The following TACR3 variants were observed in gnomAD, a reference collection of about 807,000 sequenced individuals.
TACR3 encodes the protein neuromedin-K receptor.
Under a neutral mutation model 35.0 loss-of-function variants are expected in TACR3, and 34 were observed. The ratio of observed to expected loss-of-function variants is 0.97; its 90% CI spans 0.74 to 1.30. The LOEUF (loss-of-function observed/expected upper bound fraction) is 1.30, where lower values mean the gene tolerates loss of function less well. Among genes scored for constraint, TACR3 ranks in the 50% most tolerant of loss-of-function variants. The pLI is 0.00. For missense variants in TACR3, 558 were observed against 591.7 expected (o/e 0.94, Z 0.59); for synonymous variants, 233 against 221.1 (o/e 1.05, Z -0.48).
At position 103,587,472 on chromosome 4, in the gene TACR3, T is replaced by A. The variant is rs1006135285; in HGVS notation, c.*2210A>T. The A allele has an allele frequency of 1.3e-5, 2 of 152,004 alleles. No individual in the cohort carries two copies. Among genetic ancestry groups the A allele is most frequent in the African/African-American group, 4.8e-5 (2 of 41,422 alleles). 9.4% of individuals were successfully genotyped at this position (152,004 alleles called of 1,614,324 possible). A position where few individuals can be genotyped will look rare whatever the true frequency, so the allele number is the denominator to read the frequency against. ...CACAGAAGCCAAAGCAAACCAACAA[T>A]CCAACTGACGAGGCCAGTATTTTTC... is the stretch of plus-strand genomic sequence containing the variant. On this transcript the variant is annotated 3_prime_UTR_variant, in exon 5 of 5. Transcript: ENST00000304883.
rs149411487 is a variant in TACR3 at position 103,590,755 on chromosome 4, G to T, written c.1085+732C>A. Among the ~76,000 whole-genome samples, 129 of 152,250 alleles carry T rather than the reference G, an allele frequency of 8.5e-4. 1 individual carries two copies. Among genetic ancestry groups the T allele is most frequent in the Non-Finnish European group, 1.6e-3 (110 of 68,016 alleles). ...CATTGGTTTATTACAGGACTTACGA[G>T]CCCTATGAAATTTAACCCTATCCCT... On this transcript the variant is annotated intron_variant, in intron 4 of 4. Coordinates refer to ENST00000304883, the MANE Select transcript of TACR3 (RefSeq NM_001059.3).
At chr4:103,628,315 T>C (rs1204867495) in intron 3 of TACR3, among the ~76,000 whole-genome samples, 2 of 151,892 alleles carry the variant, frequency 1.3e-5, no homozygotes, top group Non-Finnish European at 1.5e-5. Context: ...CTGAAGGAGA[T>C]AGAGACACAA....
At chr4:103,657,860 A>G (rs1411680758) in intron 2 of TACR3, among the ~76,000 whole-genome samples, 1 of 152,084 alleles carries the variant, frequency 6.6e-6, no homozygotes, top group African/African-American at 2.4e-5. Context: ...CACTTCCTAA[A>G]AGAGCAATCA....
chr4:103,626,794 T>C (rs1435563467), intron 3 of TACR3, among the ~76,000 whole-genome samples: 2 of 151,030 alleles, frequency 1.3e-5, no homozygotes, highest in African/African-American at 4.9e-5. Context: ...TATAATTTCT[T>C]TTTACTGATT....
At chr4:103,684,762 G>T (rs1022341114) in intron 1 of TACR3, among the ~76,000 whole-genome samples, 18 of 152,000 alleles carry the variant, frequency 1.2e-4, no homozygotes, top group African/African-American at 2.7e-4. Context: ...CAGCACTTTG[G>T]GGGGCTGAGG....
chr4:103,642,937 T>C (rs556943060), intron 3 of TACR3, among the ~76,000 whole-genome samples: 1 of 151,970 alleles, frequency 6.6e-6, no homozygotes, highest in East Asian at 1.9e-4. Context: ...CCCCAAAATA[T>C]GTACAATAAT....
In TACR3 at chr4:103,616,230, T is replaced by C. The variant is rs375180073; in HGVS notation, c.889-24547A>G. Among the ~76,000 whole-genome samples, 252 of 152,232 alleles carry C rather than the reference T, an allele frequency of 1.7e-3. 2 individuals carry two copies. Among genetic ancestry groups the C allele is most frequent in the East Asian group, 0.015 (76 of 5,180 alleles). ...CCAAAGAAAAAAAGACAGGACATAT[T>C]ATTATAAAGATGTTTCCAATATAAG... is the stretch of plus-strand genomic sequence containing the variant. On this transcript the variant is annotated intron_variant, in intron 3 of 4. Transcript: ENST00000304883.
intron 1 of TACR3, among the ~76,000 whole-genome samples, chr4:103,681,770 A>G (rs759936138): frequency 2.6e-5 from 4 of 152,170 alleles, no homozygotes; most frequent in Non-Finnish European, 5.9e-5. Flanking sequence ...CATCTAACTG[A>G]CATTTATGGA....
intron 1 of TACR3, among the ~76,000 whole-genome samples, chr4:103,707,724 C>A (rs138442698): frequency 0.02 from 3,020 of 152,170 alleles, 57 homozygotes; most frequent in Non-Finnish European, 0.028. Context: ...CTGGGAAGCA[C>A]AAGGGGTCAG....
intron 1 of TACR3, among the ~76,000 whole-genome samples, chr4:103,709,604 A>G (rs1722889493): frequency 1.3e-5 from 2 of 152,150 alleles, no homozygotes; most frequent in Admixed American, 1.3e-4. Context: ...TCAACTAACG[A>G]GCAAAATAAC....
At chr4:103,599,786 T>G (rs2110289311) in intron 3 of TACR3, among the ~76,000 whole-genome samples, 1 of 152,338 alleles carries the variant, frequency 6.6e-6, no homozygotes. Flanking sequence ...GAACCAGCCT[T>G]GCATCCCAGG....
At chr4:103,614,217 C>T (rs1325868948) in intron 3 of TACR3, among the ~76,000 whole-genome samples, 1 of 152,156 alleles carries the variant, frequency 6.6e-6, no homozygotes, top group Admixed American at 6.6e-5. Context: ...AAACAAATAT[C>T]AAGAACAAGA....
At chr4:103,618,524 G>T (rs1408995877) in intron 3 of TACR3, among the ~76,000 whole-genome samples, 1 of 135,910 alleles carries the variant, frequency 7.4e-6, no homozygotes, top group Non-Finnish European at 1.5e-5. Flanking sequence ...GATGCCTCTG[G>T]ATTTGTTCTT....
chr4:103,660,067 A>T (rs1334508987), intron 1 of TACR3, among the ~76,000 whole-genome samples: 1 of 152,136 alleles, frequency 6.6e-6, no homozygotes, highest in African/African-American at 2.4e-5. Flanking sequence ...CTTAAGAATA[A>T]ATATTTCAAA....
In TACR3 at chr4:103,612,711, T is replaced by G. The variant is rs574184591; in HGVS notation, c.889-21028A>C. ...TTTAGTAGAGATTGGGATCTCGCCA[T>G]GTTGGCCAGGTTGGTCTCAAACTCC... On this transcript the variant is annotated intron_variant, in intron 3 of 4. Transcript: ENST00000304883. Among the ~76,000 whole-genome samples, 9 of 152,216 alleles carry G rather than the reference T, an allele frequency of 5.9e-5. No individual in the cohort carries two copies. In the South Asian group the frequency reaches 1.9e-3, roughly 32 times the overall value.
intron 3 of TACR3, among the ~76,000 whole-genome samples, chr4:103,623,381 C>T (rs1724826105): frequency 6.6e-6 from 1 of 151,650 alleles, no homozygotes; most frequent in African/African-American, 2.4e-5. Flanking sequence ...GGATTTTTCT[C>T]TATTTTTTTT....
At chr4:103,619,253 G>A (rs540659115) in intron 3 of TACR3, among the ~76,000 whole-genome samples, 3 of 152,020 alleles carry the variant, frequency 2.0e-5, no homozygotes, top group African/African-American at 7.2e-5. Context: ...TCAGTGGCAC[G>A]ATCTCAACTC....
At chr4:103,659,682 A>T (rs1725799282) in intron 1 of TACR3, among the ~76,000 whole-genome samples, 1 of 152,210 alleles carries the variant, frequency 6.6e-6, no homozygotes. Flanking sequence ...TCTAAAAAGT[A>T]TACTTAAAGC....
chr4:103,696,644 T>G (rs1159938632), intron 1 of TACR3, among the ~76,000 whole-genome samples: 1 of 152,172 alleles, frequency 6.6e-6, no homozygotes, highest in African/African-American at 2.4e-5. Context: ...TGAAGATTTT[T>G]GCTGATGCCA....
Sources: gnomAD v4.1 joint callset for allele counts (sites outside exome capture counted in the v4.1 genomes callset) on GRCh38, gnomAD v4.1.1 for gene constraint, MANE v1.5 for transcripts, NCBI Gene and HGNC (gene_info 2026-07-23, HGNC 2026-07-21) for gene names.